PTPRG: variants seen among roughly 807,000 people sequenced by gnomAD.
The protein encoded by PTPRG is receptor-type tyrosine-protein phosphatase gamma.
A neutral mutation model predicts 165.3 loss-of-function variants in PTPRG; 102 were observed. The ratio of observed to expected loss-of-function variants is 0.62; its 90% CI spans 0.53 to 0.73. The LOEUF (loss-of-function observed/expected upper bound fraction) is 0.73. PTPRG is among the 30% of genes least tolerant of loss of function. The pLI is 0.00. For synonymous variants in PTPRG, 675 were observed against 669.5 expected (o/e 1.01, Z -0.13); for missense variants, 1,866 against 1,861.4 (o/e 1.00, Z -0.05).
chr3:62,220,941 C>A (rs1243325712), intron 13 of PTPRG, among the ~76,000 whole-genome samples: 1 of 152,140 alleles, frequency 6.6e-6, no homozygotes, highest in African/African-American at 2.4e-5. Flanking sequence ...GACTGGCCCA[C>A]CTTGGATCCT....
At chr3:61,637,005 A>G (rs145147868) in intron 1 of PTPRG, among the ~76,000 whole-genome samples, 99 of 152,268 alleles carry the variant, frequency 6.5e-4, no homozygotes, top group African/African-American at 2.3e-3. Flanking sequence ...GTCCTCATCC[A>G]TGTCAGTGAT....
At position 62,220,846 on chromosome 3, in the gene PTPRG, G is replaced by A. The variant is rs550645186; in HGVS notation, c.2288+1863G>A. Among the ~76,000 whole-genome samples the A allele has an allele frequency of 4.6e-5, 7 of 152,214 alleles. No homozygotes were observed. The East Asian group carries it at 1.2e-3, about 25-fold the overall frequency. ...TTTTAGTCTCAGACTGTCACCACAG[G>A]GGAGCAGAGAAGTCCCACAGCTGCC... On this transcript the variant is annotated intron_variant, in intron 13 of 29. Coordinates refer to ENST00000474889, the MANE Select transcript of PTPRG (RefSeq NM_002841.4).
chr3:62,014,754 C>A (rs184754887), intron 4 of PTPRG, among the ~76,000 whole-genome samples: 1 of 152,290 alleles, frequency 6.6e-6, no homozygotes, highest in East Asian at 1.9e-4. Flanking sequence ...CTTTCATCAT[C>A]ATTCTTTGTG....
rs980652106 is a variant in PTPRG at position 62,222,625 on chromosome 3, T to C, written c.2288+3642T>C. ...GATCAGTACCATTGCCATCAAAACC[T>C]TGGACTGAAGCCGAACAAGGGATGG... On this transcript the variant is annotated intron_variant, in intron 13 of 29. Transcript: ENST00000474889. The surrounding 1 kb of genome is among the most constrained non-coding windows in gnomAD (Gnocchi z 4.5). 6.6e-6 allele frequency among the ~76,000 whole-genome samples: 1 copy of C among 152,174 alleles called. No individual in the cohort carries two copies. The highest frequency in any genetic ancestry group is 1.5e-5 in the Non-Finnish European group (1 of 68,032).
In PTPRG at chr3:62,087,697, C is replaced by G. The variant is rs142413996; in HGVS notation, c.615+9439C>G. 3.7e-3 allele frequency among the ~76,000 whole-genome samples: 561 copies of G among 152,272 alleles called. 6 individuals are homozygous for G. The highest frequency in any genetic ancestry group is 0.013 in the African/African-American group (527 of 41,544). On this transcript the variant is annotated intron_variant, in intron 5 of 29. Coordinates refer to ENST00000474889, the MANE Select transcript of PTPRG (RefSeq NM_002841.4). ...ACCATATATCTCCAGGGTCTGTGCT[C>G]TCAGTGAAGAACTGAATGGGAAAAG...
chr3:62,170,840 A>G (rs1354415448), intron 8 of PTPRG, among the ~76,000 whole-genome samples: 1 of 152,208 alleles, frequency 6.6e-6, no homozygotes, highest in Non-Finnish European at 1.5e-5. Flanking sequence ...ATACGTGCAC[A>G]GCTTGATGAA....
At chr3:61,832,794 C>T (rs938065586) in intron 2 of PTPRG, among the ~76,000 whole-genome samples, 4 of 152,132 alleles carry the variant, frequency 2.6e-5, no homozygotes, top group African/African-American at 9.7e-5. Context: ...GATTTTGCTG[C>T]ATCCATCACT....
intron 6 of PTPRG, among the ~76,000 whole-genome samples, chr3:62,142,973 C>T (rs1703985375): frequency 6.6e-6 from 1 of 152,174 alleles, no homozygotes; most frequent in African/African-American, 2.4e-5. Context: ...GGCGGGGCGA[C>T]TTGCCCCAGC....
chr3:62,105,349 C>T (rs757981300), intron 5 of PTPRG, among the ~76,000 whole-genome samples: 2 of 152,046 alleles, frequency 1.3e-5, no homozygotes, highest in Non-Finnish European at 2.9e-5. Context: ...TGTTAGACTT[C>T]GACATGATTT....
chr3:61,764,407 A>T (rs1182948676), intron 2 of PTPRG, among the ~76,000 whole-genome samples: 1 of 152,236 alleles, frequency 6.6e-6, no homozygotes. Context: ...GGCTAACTAC[A>T]ACAGAGAACA....
chr3:62,036,633 A>G (rs373853589), intron 4 of PTPRG, among the ~76,000 whole-genome samples: 2 of 152,226 alleles, frequency 1.3e-5, no homozygotes, highest in African/African-American at 4.8e-5. Flanking sequence ...AATCAGTTCT[A>G]ATGGTACACT....
chr3:62,248,766 G>A (rs905513072), intron 15 of PTPRG, among the ~76,000 whole-genome samples: 1 of 152,078 alleles, frequency 6.6e-6, no homozygotes, highest in African/African-American at 2.4e-5. Flanking sequence ...CTTTTCTCTG[G>A]AAATTAGAAA....
At chr3:62,106,119 G>A (rs1702464733) in intron 5 of PTPRG, among the ~76,000 whole-genome samples, 2 of 152,122 alleles carry the variant, frequency 1.3e-5, no homozygotes, top group African/African-American at 4.8e-5. Context: ...GTGTCTCCCA[G>A]ATAAAACTTT....
chr3:61,920,844 T>C (rs552412047), intron 2 of PTPRG, among the ~76,000 whole-genome samples: 1 of 152,344 alleles, frequency 6.6e-6, no homozygotes, highest in Admixed American at 6.5e-5. Context: ...GTACTGTTCA[T>C]TAAAGAATTG....
chr3:61,829,524 C>T (rs772224782), intron 2 of PTPRG, among the ~76,000 whole-genome samples: 19 of 152,234 alleles, frequency 1.2e-4, no homozygotes, highest in Non-Finnish European at 1.8e-4. Flanking sequence ...CGAAGAAAGC[C>T]TTCATGGGTT....
intron 5 of PTPRG, among the ~76,000 whole-genome samples, chr3:62,123,126 C>G (rs924135421): frequency 6.6e-6 from 1 of 152,212 alleles, no homozygotes; most frequent in East Asian, 1.9e-4. Context: ...AGGTTTCTCA[C>G]AAAGCTACAA....
At chr3:62,034,956 A>C (rs1053620683) in intron 4 of PTPRG, among the ~76,000 whole-genome samples, 1 of 152,070 alleles carries the variant, frequency 6.6e-6, no homozygotes, top group African/African-American at 2.4e-5. Context: ...GGGGAGGAGG[A>C]CTGCACCGTA....
chr3:62,215,982 C>G (rs1264889019), intron 12 of PTPRG, among the ~76,000 whole-genome samples: 1 of 152,152 alleles, frequency 6.6e-6, no homozygotes, highest in Non-Finnish European at 1.5e-5. Context: ...CTTTGGGAGG[C>G]CGAGGCGGGA....
chr3:62,063,067 A>G (rs1218952980), intron 4 of PTPRG, among the ~76,000 whole-genome samples: 1 of 152,262 alleles, frequency 6.6e-6, no homozygotes, highest in Non-Finnish European at 1.5e-5. Context: ...AAATGTATGT[A>G]AAAGCATCAT....
Sources: allele counts gnomAD v4.1 joint callset (sites outside exome capture counted in the v4.1 genomes callset), GRCh38; gene constraint gnomAD v4.1.1; non-coding constraint Gnocchi (gnomAD v3.1); transcripts MANE v1.5; gene names NCBI Gene and HGNC (gene_info 2026-07-23, HGNC 2026-07-21).